The following EPS8 variants were observed in gnomAD, a reference collection of about 807,000 sequenced individuals.
The protein encoded by EPS8 is EGFR pathway substrate 8, signaling adaptor.
EPS8 carries 42 observed loss-of-function variants against 103.8 expected under a neutral mutation model. The ratio of observed to expected loss-of-function variants is 0.40; its 90% confidence interval spans 0.32 to 0.52. The LOEUF is 0.52. EPS8 is among the 20% of genes least tolerant of loss of function. The probability of loss-of-function intolerance (pLI) is 0.40; values close to 1 mark genes in which losing one functional copy is unlikely to be tolerated. For synonymous variants in EPS8, 344 were observed against 344.6 expected (o/e 1.00, Z 0.02); for missense variants, 969 against 1,005.1 (o/e 0.96, Z 0.49).
chr12:15,742,513 T>C (rs946980171), intron 1 of EPS8, among the ~76,000 whole-genome samples: 3 of 152,124 alleles, frequency 2.0e-5, no homozygotes, highest in Non-Finnish European at 4.4e-5. Flanking sequence ...AAATCCTCAA[T>C]AAAATATTAG....
chr12:15,785,557 AAT>A lies in EPS8; in HGVS notation c.-22+3602_-22+3603del, dbSNP rs747514433. On this transcript the variant is annotated intron_variant, in intron 1 of 20. Coordinates refer to ENST00000281172, the MANE Select transcript of EPS8 (RefSeq NM_004447.6). The surrounding 1 kb of genome is among the most constrained non-coding windows in gnomAD (Gnocchi z 4.9). ...ACATGGATACAAACTGTTACATAAA[AAT>A]ATGTACAGATATGTTCATATACACA... is the stretch of plus-strand genomic sequence containing the variant. Among the ~76,000 whole-genome samples the A allele has an allele frequency of 2.0e-5, 3 of 152,128 alleles. No individual in the cohort carries two copies. Among genetic ancestry groups the A allele is most frequent in the African/African-American group, 2.4e-5 (1 of 41,440 alleles).
chr12:15,770,914 T>C (rs1465013697), intron 1 of EPS8, among the ~76,000 whole-genome samples: 1 of 152,168 alleles, frequency 6.6e-6, no homozygotes, highest in East Asian at 1.9e-4. Flanking sequence ...CAATACACAT[T>C]GAGCGTCTAT....
chr12:15,632,848 A>T (rs1412186548), intron 17 of EPS8, among the ~76,000 whole-genome samples: 1 of 152,164 alleles, frequency 6.6e-6, no homozygotes. Context: ...ACGGCAAATG[A>T]CTAACACCTG....
At chr12:15,678,486 C>T (rs1417531765) in intron 3 of EPS8, among the ~76,000 whole-genome samples, 1 of 152,146 alleles carries the variant, frequency 6.6e-6, no homozygotes, top group Admixed American at 6.5e-5. Flanking sequence ...ATTTCTATCT[C>T]ATTGTACCTA....
intron 1 of EPS8, among the ~76,000 whole-genome samples, chr12:15,788,475 G>A (rs1253776426): frequency 2.0e-5 from 3 of 152,060 alleles, no homozygotes; most frequent in Non-Finnish European, 4.4e-5. Context: ...GGTAGTCCTA[G>A]GAAGGAAAGT....
At position 15,725,220 on chromosome 12, in the gene EPS8, G is replaced by A. The variant is rs540539413; in HGVS notation, c.-21-42248C>T. ...TAGATAACTGAAGCAATTTCTACTC[G>A]TTTATGGGGACTGTCTGGAATTTTA... On this transcript the variant is annotated intron_variant, in intron 1 of 20. Transcript: ENST00000281172. This position sits in a 1 kb window ranked among gnomAD's most constrained non-coding sequence, Gnocchi z 4.5. 1.4e-4 allele frequency among the ~76,000 whole-genome samples: 22 copies of A among 152,126 alleles called. No individual in the cohort carries two copies. The highest frequency in any genetic ancestry group is 3.4e-3 in the Middle Eastern group (1 of 294).
At position 15,772,112 on chromosome 12, in the gene EPS8, A is replaced by C. The variant is rs924398918; in HGVS notation, c.-22+17049T>G. On this transcript the variant is annotated intron_variant, in intron 1 of 20. Coordinates refer to ENST00000281172, the MANE Select transcript of EPS8 (RefSeq NM_004447.6). The surrounding 1 kb of genome is among the most constrained non-coding windows in gnomAD (Gnocchi z 5.0). The stretch of plus-strand genomic sequence containing the variant: ...AGACGGAAGAGGAGAGTGCTCTATC[A>C]GCCATTTGCTGACTCAAAAAGATTT... Among the ~76,000 whole-genome samples the C allele has an allele frequency of 6.6e-6, 1 of 152,134 alleles. No individual in the cohort carries two copies. Among genetic ancestry groups the C allele is most frequent in the Non-Finnish European group, 1.5e-5 (1 of 68,018 alleles).
At chr12:15,753,103 CA>C (rs1235979774) in intron 1 of EPS8, among the ~76,000 whole-genome samples, 2 of 151,868 alleles carry the variant, frequency 1.3e-5, no homozygotes, top group African/African-American at 4.8e-5. Context: ...GACAGGGCCA[CA>C]GCAGGAAGAC....
chr12:15,658,358 G>A, intron 11 of EPS8, 139 bp downstream of exon 11: 1 of 716,860 alleles, frequency 1.4e-6, no homozygotes, highest in Non-Finnish European at 2.3e-6. Context: ...TGTTTTAACT[G>A]AAGGCAAATC....
intron 1 of EPS8, among the ~76,000 whole-genome samples, chr12:15,724,133 T>G (rs1946627671): frequency 6.6e-6 from 1 of 152,172 alleles, no homozygotes; most frequent in Non-Finnish European, 1.5e-5. Flanking sequence ...GATGTCAATA[T>G]TCAATCCTCA....
chr12:15,727,115 T>G lies in EPS8; in HGVS notation c.-21-44143A>C, dbSNP rs1428346507. Among the ~76,000 whole-genome samples the G allele has an allele frequency of 6.6e-6, 1 of 152,226 alleles. No homozygotes were observed. The highest frequency in any genetic ancestry group is 1.5e-5 in the Non-Finnish European group (1 of 68,044). ...AAACCATCATTCCACTCAGGAAATTTTATGAATTTGTTTAGTTAAATCTAA... is the reference window on the plus strand; with the variant it reads ...AAACCATCATTCCACTCAGGAAATTGTATGAATTTGTTTAGTTAAATCTAA... On this transcript the variant is annotated intron_variant, in intron 1 of 20. Transcript: ENST00000281172. The surrounding 1 kb of genome is among the most constrained non-coding windows in gnomAD (Gnocchi z 4.3).
rs1035533760 is a variant in EPS8, at chr12:15,779,971, T to C, written c.-22+9190A>G. On this transcript the variant is annotated intron_variant, in intron 1 of 20. Transcript: ENST00000281172. The surrounding 1 kb of genome is among the most constrained non-coding windows in gnomAD (Gnocchi z 4.3). Reference sequence around the variant, plus strand: ...GTTGCTATGCTACTAAATGTAAGAATGGTTTGAAACAGGACCTCCAATTTC... The same window carrying C: ...GTTGCTATGCTACTAAATGTAAGAACGGTTTGAAACAGGACCTCCAATTTC... The C allele has an allele frequency of 6.6e-6, 1 of 152,210 alleles. No homozygotes were observed. Among genetic ancestry groups the C allele is most frequent in the African/African-American group, 2.4e-5 (1 of 41,454 alleles). 9.4% of individuals were successfully genotyped at this position (152,210 alleles called of 1,614,324 possible).
At chr12:15,634,414 T>G (rs1945101303) in intron 17 of EPS8, among the ~76,000 whole-genome samples, 1 of 152,220 alleles carries the variant, frequency 6.6e-6, no homozygotes, top group South Asian at 2.1e-4. Flanking sequence ...TAAGTTGGAA[T>G]GAGTCACTTT....
intron 1 of EPS8, among the ~76,000 whole-genome samples, chr12:15,783,715 T>TAAAA (rs34686335): frequency 5.2e-5 from 5 of 95,358 alleles, no homozygotes; most frequent in African/African-American, 6.9e-5. Context: ...TCTGAGTTAG[T>TAAAA]AAAAAAAAAA....
chr12:15,638,165 A>G (rs1168268037), intron 17 of EPS8, among the ~76,000 whole-genome samples: 1 of 152,044 alleles, frequency 6.6e-6, no homozygotes, highest in Non-Finnish European at 1.5e-5. Flanking sequence ...ATGGGTATCT[A>G]CTGTTGTAGA....
intron 14 of EPS8, among the ~76,000 whole-genome samples, chr12:15,648,025 A>G (rs148929166): frequency 6.6e-6 from 1 of 152,360 alleles, no homozygotes; most frequent in African/African-American, 2.4e-5. Flanking sequence ...TCACAAGAGC[A>G]TTCTTCCTCC....
intron 19 of EPS8, among the ~76,000 whole-genome samples, chr12:15,623,840 A>G (rs1029365821): frequency 4.6e-5 from 7 of 152,184 alleles, no homozygotes; most frequent in Non-Finnish European, 8.8e-5. Flanking sequence ...GAGACACTAT[A>G]TCCTGCAGCA....
intron 1 of EPS8, among the ~76,000 whole-genome samples, chr12:15,722,857 C>A (rs1275561576): frequency 1.3e-5 from 2 of 152,002 alleles, no homozygotes; most frequent in African/African-American, 4.8e-5. Flanking sequence ...TCCAAAAGGC[C>A]CCATCTCTTC....
intron 3 of EPS8, among the ~76,000 whole-genome samples, chr12:15,676,475 T>C (rs1945910883): frequency 6.6e-6 from 1 of 152,138 alleles, no homozygotes. Flanking sequence ...CTGAATGATT[T>C]GGTGTAAAGG....
Sources: gnomAD v4.1 joint callset for allele counts (sites outside exome capture counted in the v4.1 genomes callset) on GRCh38, gnomAD v4.1.1 for gene constraint, Gnocchi (gnomAD v3.1) non-coding constraint, MANE v1.5 for transcripts, NCBI Gene and HGNC (gene_info 2026-07-23, HGNC 2026-07-21) for gene names.